The following GAS7 variants were observed in gnomAD, a reference collection of about 807,000 sequenced individuals.
The protein encoded by GAS7 is growth arrest-specific protein 7.
Under a neutral mutation model 71.1 loss-of-function variants are expected in GAS7, and 28 were observed. The ratio of observed to expected loss-of-function variants is 0.39; its 90% confidence interval spans 0.29 to 0.54. GAS7 has a LOEUF of 0.54. Ranked by LOEUF, GAS7 falls within the 20% of genes least tolerant of loss-of-function variation. The pLI is 0.62. For synonymous variants in GAS7, 258 were observed against 245.8 expected, an observed-to-expected ratio of 1.05 and a Z score of -0.46; for missense variants, 436 against 627.8, an observed-to-expected ratio of 0.69 and a Z score of 3.27.
Position 9,919,969 on chromosome 17 carries a change from T to TTGTGTGTGTGTGTGTGTGTG in GAS7, c.1139-284_1139-265dup, listed in dbSNP as rs34994635. On this transcript the variant is annotated intron_variant, in intron 11 of 13. Coordinates refer to ENST00000432992, the MANE Select transcript of GAS7 (RefSeq NM_201433.2). This position sits in a 1 kb window ranked among gnomAD's most constrained non-coding sequence, Gnocchi z 5.0. ...AGGATTCAGGATGGTGGTTCTCATT[T>TTGTGTGTGTGTGTGTGTGTG]TGTGTGTGTGTGTGTGTGTGTGTGT... is the stretch of plus-strand genomic sequence containing the variant. Among the ~76,000 whole-genome samples, 44 of 131,498 alleles carry TTGTGTGTGTGTGTGTGTGTG rather than the reference T, an allele frequency of 3.3e-4. No homozygotes were observed. Among genetic ancestry groups the TTGTGTGTGTGTGTGTGTGTG allele is most frequent in the Middle Eastern group, 4.1e-3 (1 of 244 alleles). The allele number at this position is 131,498 out of a possible 152,430, so 86.3% of individuals were successfully genotyped here.
intron 1 of GAS7, among the ~76,000 whole-genome samples, chr17:10,178,568 C>T (rs778763367): frequency 1.3e-5 from 2 of 152,094 alleles, no homozygotes; most frequent in African/African-American, 4.8e-5. Flanking sequence ...CTCCTGTGAA[C>T]ATCCCTAAAC....
chr17:9,969,598 C>T lies in GAS7; in HGVS notation c.471+79G>A, dbSNP rs559322209. On this transcript the variant is annotated intron_variant, in intron 4 of 13. Coordinates refer to ENST00000432992, the MANE Select transcript of GAS7 (RefSeq NM_201433.2). This position sits in a 1 kb window ranked among gnomAD's most constrained non-coding sequence, Gnocchi z 5.5. Reference sequence around the variant, plus strand: ...AACTGGGCTGCAGCCACCTGGACTCCCATGATGGACTTTGTAATGCAGTTT... The same window carrying T: ...AACTGGGCTGCAGCCACCTGGACTCTCATGATGGACTTTGTAATGCAGTTT... The T allele has an allele frequency of 1.0e-5, 9 of 874,564 alleles. No individual in the cohort carries two copies. The South Asian group carries it at 1.3e-4, about 12-fold the overall frequency. 54.2% of individuals were successfully genotyped at this position (874,564 alleles called of 1,614,324 possible).
intron 1 of GAS7, among the ~76,000 whole-genome samples, chr17:10,087,655 C>T (rs989818510): frequency 3.3e-5 from 5 of 152,150 alleles, no homozygotes; most frequent in Admixed American, 2.6e-4. Context: ...AGGACTGTTA[C>T]CACTGAACTC....
At chr17:10,017,992 A>G (rs144930030) in intron 2 of GAS7, among the ~76,000 whole-genome samples, 2,237 of 152,364 alleles carry the variant, frequency 0.015, 30 homozygotes, top group Admixed American at 0.023. Context: ...AAATTAATAG[A>G]GTGCAGGTGA....
At chr17:9,982,815 GGAAAGAAAGGAAAGAAAGAAAGAAA>G (rs1248096292) in intron 2 of GAS7, among the ~76,000 whole-genome samples, 1 of 74,278 alleles carries the variant, frequency 1.3e-5, no homozygotes, top group African/African-American at 8.1e-5. Flanking sequence ...AGGAAAGAAA[GGAAAGAAAGGAAAGAAAGAAAGAAA>G]GAAAGAAAGA....
intron 1 of GAS7, among the ~76,000 whole-genome samples, chr17:10,127,182 G>C (rs2073958025): frequency 6.6e-6 from 1 of 152,148 alleles, no homozygotes; most frequent in African/African-American, 2.4e-5. Context: ...AATCAAGTTA[G>C]TTTAACCTTC....
Position 9,917,081 on chromosome 17 carries a change from C to A in GAS7, c.*147G>T. 1.6e-6 allele frequency: 1 copy of A among 633,026 alleles called. No homozygotes were observed. Among genetic ancestry groups the A allele is most frequent in the Non-Finnish European group, 2.8e-6 (1 of 352,338 alleles). 39.2% of individuals were successfully genotyped at this position (633,026 alleles called of 1,614,324 possible). On this transcript the variant is annotated 3_prime_UTR_variant, in exon 14 of 14. Coordinates refer to ENST00000432992, the MANE Select transcript of GAS7 (RefSeq NM_201433.2). Reference sequence around the variant, plus strand: ...ATGGGGGAGCCCCCAGCTAGGCTGTCCGGGTCACCCTTCTGGAATCACCAG... The same window carrying A: ...ATGGGGGAGCCCCCAGCTAGGCTGTACGGGTCACCCTTCTGGAATCACCAG...
At chr17:10,003,301 T>C (rs2071344223) in intron 2 of GAS7, among the ~76,000 whole-genome samples, 1 of 152,200 alleles carries the variant, frequency 6.6e-6, no homozygotes, top group South Asian at 2.1e-4. Flanking sequence ...AGGATAGCCA[T>C]ACTCCAACCA....
At chr17:9,988,370 C>T (rs1307181037) in intron 2 of GAS7, among the ~76,000 whole-genome samples, 2 of 152,190 alleles carry the variant, frequency 1.3e-5, no homozygotes, top group African/African-American at 4.8e-5. Context: ...TCCAAGCGAG[C>T]CCCATTGCCT....
At chr17:10,157,160 T>A (rs1315337531) in intron 1 of GAS7, among the ~76,000 whole-genome samples, 2 of 152,034 alleles carry the variant, frequency 1.3e-5, no homozygotes, top group African/African-American at 2.4e-5. Context: ...ATGGGACCCC[T>A]GGGAGAAGGA....
At position 10,033,532 on chromosome 17, in the gene GAS7, TG is replaced by T. The variant is rs2072673896; in HGVS notation, c.184-13636del. 2.0e-5 allele frequency among the ~76,000 whole-genome samples: 3 copies of T among 152,220 alleles called. No homozygotes were observed. In the South Asian group the frequency reaches 6.2e-4, roughly 31 times the overall value. ...AGGGAGGGAGTCCAAAGTTGCTAGC[TG>T]GATCAGTAACAGGCTCAGTATCTCA... On this transcript the variant is annotated intron_variant, in intron 1 of 13. Transcript: ENST00000432992.
intron 11 of GAS7, 117 bp downstream of exon 11, chr17:9,925,359 T>A: frequency 9.9e-7 from 1 of 1,014,400 alleles, no homozygotes; most frequent in Non-Finnish European, 1.5e-6. Flanking sequence ...GGGAAGTAAT[T>A]TCCTCGCTGC....
chr17:9,979,004 C>T (rs1210218952), intron 3 of GAS7, among the ~76,000 whole-genome samples: 1 of 152,102 alleles, frequency 6.6e-6, no homozygotes, highest in East Asian at 1.9e-4. Context: ...TGCCTGTAGC[C>T]CCTCCCCCCG....
chr17:9,965,951 G>A (rs867311739), intron 4 of GAS7, among the ~76,000 whole-genome samples: 6 of 151,776 alleles, frequency 4.0e-5, no homozygotes, highest in Admixed American at 1.3e-4. Context: ...ACTGGTGTCC[G>A]TGGAAAGTCC....
intron 1 of GAS7, chr17:10,039,867 T>C: frequency 2.5e-6 from 1 of 405,886 alleles, no homozygotes; most frequent in East Asian, 7.4e-5. Context: ...GGTGACAATG[T>C]GCCTTTCCCT....
intron 1 of GAS7, among the ~76,000 whole-genome samples, chr17:10,108,437 A>G (rs953602692): frequency 2.6e-5 from 4 of 152,212 alleles, no homozygotes; most frequent in Non-Finnish European, 5.9e-5. Context: ...GGGTATGCTT[A>G]ACTTATTGCT....
chr17:10,126,439 C>G (rs922126835), intron 1 of GAS7, among the ~76,000 whole-genome samples: 11 of 151,288 alleles, frequency 7.3e-5, no homozygotes, highest in Non-Finnish European at 1.2e-4. Flanking sequence ...CGCAGATGCA[C>G]ACACGCGCGC....
chr17:10,113,315 C>G (rs1261659026), intron 1 of GAS7, among the ~76,000 whole-genome samples: 2 of 152,168 alleles, frequency 1.3e-5, no homozygotes, highest in South Asian at 2.1e-4. Context: ...ATTCTTTGTT[C>G]CAACCTTTCA....
chr17:10,185,824 C>T (rs1473805820), intron 1 of GAS7, among the ~76,000 whole-genome samples: 1 of 152,146 alleles, frequency 6.6e-6, no homozygotes, highest in Non-Finnish European at 1.5e-5. Context: ...ACTCGCCACC[C>T]CCAATCAAGT....
Sources: allele counts gnomAD v4.1 joint callset (sites outside exome capture counted in the v4.1 genomes callset), GRCh38; gene constraint gnomAD v4.1.1; non-coding constraint Gnocchi (gnomAD v3.1); transcripts MANE v1.5; gene names NCBI Gene and HGNC (gene_info 2026-07-23, HGNC 2026-07-21).